Variants in CTNND2 observed in about 807,000 individuals in gnomAD.
The protein encoded by CTNND2 is catenin delta-2.
In CTNND2, 22 loss-of-function variants were observed where a neutral mutation model predicts 144.4. The observed-to-expected ratio is 0.15, with a 90% CI of 0.11 to 0.22. The LOEUF (loss-of-function observed/expected upper bound fraction) is 0.22. Ranked by LOEUF, CTNND2 falls within the 10% of genes least tolerant of loss-of-function variation. CTNND2 has a pLI of 1.00. For synonymous variants in CTNND2, 751 were observed against 695.6 expected, an observed-to-expected ratio of 1.08 and a Z score of -1.25; for missense variants, 1,353 against 1,618.8, an observed-to-expected ratio of 0.84 and a Z score of 2.82.
At chr5:11,093,294 T>A (rs929938911) in intron 15 of CTNND2, among the ~76,000 whole-genome samples, 1 of 152,154 alleles carries the variant, frequency 6.6e-6, no homozygotes, top group African/African-American at 2.4e-5. Context: ...TAAACGGGAG[T>A]TAAAAGAACA....
intron 3 of CTNND2, among the ~76,000 whole-genome samples, chr5:11,465,802 G>T (rs1766619123): frequency 6.6e-6 from 1 of 152,110 alleles, no homozygotes; most frequent in African/African-American, 2.4e-5. Flanking sequence ...TTATTTCTAG[G>T]AATTTCCTTG....
intron 2 of CTNND2, among the ~76,000 whole-genome samples, chr5:11,616,683 T>C (rs1286419792): frequency 2.0e-5 from 3 of 151,792 alleles, no homozygotes; most frequent in East Asian, 1.9e-4. Flanking sequence ...CTTGGCTCAC[T>C]GCACCCTCCA....
intron 9 of CTNND2, among the ~76,000 whole-genome samples, chr5:11,237,524 G>A (rs1227446750): frequency 6.6e-6 from 1 of 151,224 alleles, no homozygotes; most frequent in African/African-American, 2.4e-5. Flanking sequence ...TTTAAGAGAT[G>A]GGGTCTTACT....
At chr5:11,098,444 T>G in intron 15 of CTNND2, 131 bp downstream of exon 15, 1 of 764,332 alleles carries the variant, frequency 1.3e-6, no homozygotes, top group Non-Finnish European at 2.0e-6. Flanking sequence ...AACAGTTCAA[T>G]ATAATTTTTT....
At chr5:11,129,310 AT>A (rs1561354061) in intron 12 of CTNND2, among the ~76,000 whole-genome samples, 2 of 75,818 alleles carry the variant, frequency 2.6e-5, no homozygotes, top group African/African-American at 8.0e-5. Context: ...TATTATATAT[AT>A]AAATATATAT....
At chr5:11,442,927 T>G (rs1339150497) in intron 3 of CTNND2, among the ~76,000 whole-genome samples, 3 of 147,120 alleles carry the variant, frequency 2.0e-5, no homozygotes, top group Non-Finnish European at 3.0e-5. Flanking sequence ...ATTAATAAGA[T>G]ATAATAAATA....
At chr5:11,777,192 T>C (rs1411799596) in intron 1 of CTNND2, among the ~76,000 whole-genome samples, 1 of 152,176 alleles carries the variant, frequency 6.6e-6, no homozygotes, top group Non-Finnish European at 1.5e-5. Flanking sequence ...CAAAATATAA[T>C]GAAACATCTC....
intron 3 of CTNND2, among the ~76,000 whole-genome samples, chr5:11,423,381 A>G (rs142670001): frequency 6.6e-6 from 1 of 152,248 alleles, no homozygotes; most frequent in East Asian, 1.9e-4. Context: ...TCCATAACTG[A>G]TATTTCTGCA....
intron 3 of CTNND2, among the ~76,000 whole-genome samples, chr5:11,472,152 TTG>T (rs1491156097): frequency 6.6e-6 from 1 of 152,208 alleles, no homozygotes; most frequent in Non-Finnish European, 1.5e-5. Context: ...TTTAAATTTT[TTG>T]GGGGGGATCC....
At chr5:11,241,416 T>A (rs1166766929) in intron 9 of CTNND2, among the ~76,000 whole-genome samples, 1 of 152,202 alleles carries the variant, frequency 6.6e-6, no homozygotes, top group Non-Finnish European at 1.5e-5. Context: ...TGAACGTAAG[T>A]TAGCATTCAG....
At chr5:11,512,957 A>G (rs1179994847) in intron 3 of CTNND2, among the ~76,000 whole-genome samples, 1 of 152,134 alleles carries the variant, frequency 6.6e-6, no homozygotes, top group East Asian at 1.9e-4. Flanking sequence ...TCCTTTGTTG[A>G]CTTTATTCCT....
At chr5:11,390,483 TTA>T (rs1759534617) in intron 6 of CTNND2, among the ~76,000 whole-genome samples, 3 of 152,196 alleles carry the variant, frequency 2.0e-5, no homozygotes, top group Non-Finnish European at 2.9e-5. Flanking sequence ...TTATATCCAG[TTA>T]ACAAGAGACC....
chr5:11,769,694 A>T (rs1789808021), intron 1 of CTNND2, among the ~76,000 whole-genome samples: 2 of 152,338 alleles, frequency 1.3e-5, no homozygotes, highest in South Asian at 4.1e-4. Context: ...CAGTACATAT[A>T]TGCAAATTAA....
chr5:11,298,219 C>A (rs886234944), intron 9 of CTNND2, among the ~76,000 whole-genome samples: 5 of 152,096 alleles, frequency 3.3e-5, no homozygotes, highest in Admixed American at 3.3e-4. Context: ...GCTCTGTCAC[C>A]CAGGCTGGAG....
chr5:11,796,158 T>A (rs1354085742), intron 1 of CTNND2, among the ~76,000 whole-genome samples: 1 of 152,216 alleles, frequency 6.6e-6, no homozygotes. Context: ...CCCGAGAGGA[T>A]GAACTAGTTC....
intron 9 of CTNND2, among the ~76,000 whole-genome samples, chr5:11,250,483 C>CTATATATATA (rs1265877831): frequency 4.6e-5 from 3 of 65,422 alleles, no homozygotes; most frequent in Non-Finnish European, 7.9e-5. Flanking sequence ...CTCTCTCTCT[C>CTATATATATA]TCTCTCTCTA....
At chr5:11,441,546 T>C (rs1459465723) in intron 3 of CTNND2, among the ~76,000 whole-genome samples, 1 of 145,390 alleles carries the variant, frequency 6.9e-6, no homozygotes. Context: ...GCCCAGCTAA[T>C]TTTTTTTTTT....
chr5:11,117,805 T>C (rs1202338591), intron 12 of CTNND2, among the ~76,000 whole-genome samples: 1 of 152,222 alleles, frequency 6.6e-6, no homozygotes, highest in African/African-American at 2.4e-5. Context: ...GAACTCCTAA[T>C]ACGGGATCTG....
intron 8 of CTNND2, among the ~76,000 whole-genome samples, chr5:11,360,015 T>C (rs1284619308): frequency 2.0e-5 from 3 of 152,172 alleles, no homozygotes; most frequent in Non-Finnish European, 4.4e-5. Flanking sequence ...AGGAGGTCTC[T>C]AACATTATGG....
Sources: allele counts gnomAD v4.1 joint callset (sites outside exome capture counted in the v4.1 genomes callset), GRCh38; gene constraint gnomAD v4.1.1; transcripts MANE v1.5; gene names NCBI Gene and HGNC (gene_info 2026-07-23, HGNC 2026-07-21).